The following LRP1B variants were observed in gnomAD, a reference collection of about 807,000 sequenced individuals.
LRP1B encodes LDL receptor related protein 1B, also known as low-density lipoprotein receptor-related protein 1B.
A neutral mutation model predicts 556.6 loss-of-function variants in LRP1B; 217 were observed. The ratio of observed to expected loss-of-function variants is 0.39; its 90% CI spans 0.35 to 0.44. The LOEUF (loss-of-function observed/expected upper bound fraction) is 0.44. LRP1B is among the 20% of genes least tolerant of loss of function. The pLI is 1.00. For missense variants in LRP1B, 5,053 were observed against 5,620.8 expected (o/e 0.90, Z 3.23); for synonymous variants, 2,047 against 1,865.8 (o/e 1.10, Z -2.50).
chr2:141,082,618 G>A (rs1699953139), intron 7 of LRP1B, among the ~76,000 whole-genome samples: 1 of 152,178 alleles, frequency 6.6e-6, no homozygotes, highest in Admixed American at 6.5e-5. Flanking sequence ...TTTACTTCTA[G>A]TTATAGAGCT....
chr2:142,053,559 CACA>C (rs1158182205), intron 1 of LRP1B, among the ~76,000 whole-genome samples: 2 of 151,910 alleles, frequency 1.3e-5, no homozygotes, highest in African/African-American at 2.4e-5. Flanking sequence ...GATTTGTAAG[CACA>C]ACATTTACTT....
chr2:141,327,892 G>C (rs933303817), intron 3 of LRP1B, among the ~76,000 whole-genome samples: 3 of 97,844 alleles, frequency 3.1e-5, no homozygotes, highest in Admixed American at 9.3e-5. Flanking sequence ...GAGAGAGAGA[G>C]AGAGAGAGAC....
intron 3 of LRP1B, among the ~76,000 whole-genome samples, chr2:141,466,014 G>A (rs533022131): frequency 2.7e-4 from 41 of 151,908 alleles, no homozygotes; most frequent in African/African-American, 8.9e-4. Context: ...TCAGCCTCCC[G>A]AGTAGCTGGG....
intron 2 of LRP1B, among the ~76,000 whole-genome samples, chr2:141,624,917 C>T (rs1037270454): frequency 2.6e-5 from 4 of 152,014 alleles, no homozygotes; most frequent in Non-Finnish European, 4.4e-5. Context: ...CTACAGGCGC[C>T]CGCCACCACG....
intron 3 of LRP1B, among the ~76,000 whole-genome samples, chr2:141,442,030 C>A (rs1476006652): frequency 4.6e-5 from 7 of 152,120 alleles, no homozygotes; most frequent in Admixed American, 4.6e-4. Flanking sequence ...TGACTCTACC[C>A]AAATTTTGAA....
chr2:140,391,053 T>C (rs1683996716), intron 66 of LRP1B, among the ~76,000 whole-genome samples: 1 of 152,070 alleles, frequency 6.6e-6, no homozygotes, highest in South Asian at 2.1e-4. Flanking sequence ...AAAGTAAATA[T>C]TTATAAAACT....
At chr2:140,911,937 A>T (rs190850339) in intron 21 of LRP1B, among the ~76,000 whole-genome samples, 88 of 151,868 alleles carry the variant, frequency 5.8e-4, no homozygotes, top group African/African-American at 2.1e-3. Context: ...TCCCTGACAT[A>T]AATACTGCTT....
intron 46 of LRP1B, among the ~76,000 whole-genome samples, chr2:140,534,814 T>C (rs1259521473): frequency 3.9e-5 from 6 of 152,138 alleles, no homozygotes; most frequent in African/African-American, 1.4e-4. Flanking sequence ...AGATAAACAC[T>C]TGCTGGTTTC....
chr2:141,266,912 A>C (rs536328498), intron 3 of LRP1B, among the ~76,000 whole-genome samples: 1 of 152,318 alleles, frequency 6.6e-6, no homozygotes, highest in East Asian at 1.9e-4. Context: ...ATTACTGGGA[A>C]TATTGTATGA....
chr2:140,982,104 T>G (rs2105343349), intron 18 of LRP1B, 56 bp downstream of exon 18: 3 of 1,341,396 alleles, frequency 2.2e-6, no homozygotes, highest in Non-Finnish European at 3.2e-6. Context: ...GGTGTAGTGG[T>G]AGGGTATCCT....
intron 3 of LRP1B, among the ~76,000 whole-genome samples, chr2:141,380,225 GA>G (rs35977522): frequency 0.31 from 42,507 of 137,478 alleles, 6,788 homozygotes; most frequent in East Asian, 0.71. Context: ...TGCTCCAGGA[GA>G]AAAAAAAAAA....
chr2:140,353,210 G>T (rs1410023721), intron 75 of LRP1B, 138 bp from the exon 76 acceptor site: 23 of 760,884 alleles, frequency 3.0e-5, no homozygotes, highest in Non-Finnish European at 4.5e-5. Flanking sequence ...TCTGTGACCT[G>T]CTGTGTCATA....
At chr2:140,875,086 TATTTTGTCCTGGGAGAAG>T (rs1209697477) in intron 25 of LRP1B, among the ~76,000 whole-genome samples, 2 of 150,570 alleles carry the variant, frequency 1.3e-5, no homozygotes, top group East Asian at 3.9e-4. Context: ...TAAAGCCTCA[TATTTTGTCCTGGGAGAAG>T]ATGACAATAA....
At chr2:142,038,978 T>A (rs1703976301) in intron 1 of LRP1B, among the ~76,000 whole-genome samples, 1 of 151,536 alleles carries the variant, frequency 6.6e-6, no homozygotes, top group African/African-American at 2.4e-5. Context: ...GAGCTCATGT[T>A]CTTCTTGCTC....
chr2:140,310,588 A>G (rs1684256275), intron 83 of LRP1B, among the ~76,000 whole-genome samples: 1 of 151,814 alleles, frequency 6.6e-6, no homozygotes, highest in Non-Finnish European at 1.5e-5. Context: ...CCCAGGAATA[A>G]AGCTACATGC....
intron 2 of LRP1B, among the ~76,000 whole-genome samples, chr2:141,738,729 G>C (rs1693586472): frequency 6.6e-6 from 1 of 152,106 alleles, no homozygotes; most frequent in African/African-American, 2.4e-5. Context: ...CGCTTGATAA[G>C]CAGTCTCTTT....
chr2:142,006,420 A>C (rs938697848), intron 1 of LRP1B, among the ~76,000 whole-genome samples: 6 of 152,218 alleles, frequency 3.9e-5, no homozygotes, highest in African/African-American at 1.4e-4. Flanking sequence ...GCTGTTATGA[A>C]GCTAATAGCA....
chr2:141,484,633 T>C (rs1396151858), intron 2 of LRP1B, among the ~76,000 whole-genome samples: 1 of 152,248 alleles, frequency 6.6e-6, no homozygotes, highest in East Asian at 1.9e-4. Flanking sequence ...TCCTCTTTTA[T>C]TTCATTGAGC....
At chr2:142,120,100 C>T (rs1456752777) in intron 1 of LRP1B, among the ~76,000 whole-genome samples, 1 of 127,976 alleles carries the variant, frequency 7.8e-6, no homozygotes, top group African/African-American at 3.0e-5. Flanking sequence ...CCACTCACTT[C>T]TTTACTACAG....
Sources: allele counts gnomAD v4.1 joint callset (sites outside exome capture counted in the v4.1 genomes callset), GRCh38; gene constraint gnomAD v4.1.1; transcripts MANE v1.5; gene names NCBI Gene and HGNC (gene_info 2026-07-23, HGNC 2026-07-21).